CAGE1: variants seen among roughly 807,000 people sequenced by gnomAD.
CAGE1 encodes the protein cancer-associated gene 1 protein.
Under a neutral mutation model 94.9 loss-of-function variants are expected in CAGE1, and 66 were observed. The observed-to-expected ratio is 0.70, with a 90% CI of 0.57 to 0.85. CAGE1 has a LOEUF of 0.85. Among genes scored for constraint, CAGE1 ranks in the 40% least tolerant of loss-of-function variants. The probability of loss-of-function intolerance (pLI) is 0.00; values close to 1 mark genes in which losing one functional copy is unlikely to be tolerated. For synonymous variants in CAGE1, 319 were observed against 321.0 expected (o/e 0.99, Z 0.07); for missense variants, 865 against 950.4 (o/e 0.91, Z 1.18).
rs1191231877 is a variant in CAGE1 at position 7,339,367 on chromosome 6, C to A, written c.2370-5277G>T. 1.2e-6 allele frequency: 2 copies of A among 1,608,492 alleles called. No individual in the cohort carries two copies. The highest frequency in any genetic ancestry group is 2.7e-5 in the African/African-American group (2 of 74,820). On this transcript the variant is annotated intron_variant, in intron 11 of 13. Coordinates refer to ENST00000502583, the MANE Select transcript of CAGE1 (RefSeq NM_001170692.2). The surrounding 1 kb of genome is among the most constrained non-coding windows in gnomAD (Gnocchi z 4.7). ...CTCTTCTGAACTACAGCAGTCAGTT[C>A]CCGAATCCGCCGGCCCTTCTCACCA...
chr6:7,385,309 CTTTT>C (rs34599762), intron 3 of CAGE1, among the ~76,000 whole-genome samples: 1 of 147,586 alleles, frequency 6.8e-6, no homozygotes, highest in Non-Finnish European at 1.5e-5. Context: ...CTGGCCCCCG[CTTTT>C]TTTTTTTAAG....
chr6:7,365,601 C>T (rs1760303766), intron 8 of CAGE1, 26 bp from the exon 9 acceptor site: 1 of 1,589,592 alleles, frequency 6.3e-7, no homozygotes, highest in African/African-American at 1.3e-5. Flanking sequence ...TTTGTTCTCA[C>T]TTTCAATCAT....
In CAGE1 at chr6:7,326,934, G is replaced by T. The variant is rs773917092; in HGVS notation, c.2479-35C>A. ...AAAGGAAAAATGTTTCGTAAGTTTTGGGGAAAGACTAACATTCAGTGACAG... is the reference window on the plus strand; with the variant it reads ...AAAGGAAAAATGTTTCGTAAGTTTTTGGGAAAGACTAACATTCAGTGACAG... On this transcript the variant is annotated intron_variant, in intron 13 of 13. Coordinates refer to ENST00000502583, the MANE Select transcript of CAGE1 (RefSeq NM_001170692.2). 3.9e-6 allele frequency: 6 copies of T among 1,527,054 alleles called. No individual in the cohort carries two copies. The African/African-American group carries it at 6.9e-5, about 17-fold the overall frequency. The allele number at this position is 1,527,054 out of a possible 1,614,324, so 94.6% of individuals were successfully genotyped here.
At chr6:7,342,374 T>G (rs1157757058) in intron 11 of CAGE1, among the ~76,000 whole-genome samples, 1 of 152,148 alleles carries the variant, frequency 6.6e-6, no homozygotes, top group Non-Finnish European at 1.5e-5. Flanking sequence ...GCTCATCAGC[T>G]GCATGAAGTA....
chr6:7,332,416 G>A (rs888357831), intron 12 of CAGE1, among the ~76,000 whole-genome samples: 3 of 152,174 alleles, frequency 2.0e-5, no homozygotes, highest in African/African-American at 7.2e-5. Context: ...GTTTCTTGCT[G>A]CTTCCAGGCC....
chr6:7,343,906 C>T (rs951824562), intron 11 of CAGE1, among the ~76,000 whole-genome samples: 2 of 152,148 alleles, frequency 1.3e-5, no homozygotes, highest in Admixed American at 1.3e-4. Context: ...ATTTTGTAGG[C>T]AGGTGCTCCT....
chr6:7,368,529 A>T (rs969599991), intron 7 of CAGE1, among the ~76,000 whole-genome samples, 159 bp downstream of exon 7: 1 of 152,112 alleles, frequency 6.6e-6, no homozygotes, highest in Admixed American at 6.5e-5. Flanking sequence ...TCAAATGTTG[A>T]ACATTTTATC....
At chr6:7,333,642 CTATATATATATA>C (rs773887819) in intron 12 of CAGE1, among the ~76,000 whole-genome samples, 84 of 121,514 alleles carry the variant, frequency 6.9e-4, no homozygotes, top group African/African-American at 2.0e-3. Flanking sequence ...ATCTAACTAT[CTATATATATATA>C]TATATATATA....
intron 11 of CAGE1, among the ~76,000 whole-genome samples, chr6:7,344,726 T>C (rs1249382009): frequency 6.6e-6 from 1 of 152,216 alleles, no homozygotes; most frequent in African/African-American, 2.4e-5. Flanking sequence ...GCTCAGGGAT[T>C]GTAAATACAC....
chr6:7,364,423 C>T (rs1428016050), intron 9 of CAGE1, among the ~76,000 whole-genome samples: 2 of 152,030 alleles, frequency 1.3e-5, no homozygotes, highest in Non-Finnish European at 2.9e-5. Context: ...TAGTGATTAG[C>T]TTATTTAATC....
At chr6:7,368,661 T>G in intron 7 of CAGE1, 27 bp downstream of exon 7, 1 of 1,184,862 alleles carries the variant, frequency 8.4e-7, no homozygotes. Flanking sequence ...AATAATAAAA[T>G]TTTTAGAAGA....
chr6:7,370,327 A>C (rs1282768917), intron 5 of CAGE1, among the ~76,000 whole-genome samples: 3 of 152,150 alleles, frequency 2.0e-5, no homozygotes, highest in South Asian at 4.1e-4. Flanking sequence ...CCAGGGTCTC[A>C]CTGTCACACA....
At chr6:7,364,784 GA>G (rs201331066) in intron 9 of CAGE1, among the ~76,000 whole-genome samples, 9 of 150,852 alleles carry the variant, frequency 6.0e-5, no homozygotes, top group South Asian at 2.1e-4. Context: ...TACTTCTTAT[GA>G]AAAAAAAATT....
chr6:7,348,936 T>C (rs528908559), intron 11 of CAGE1, among the ~76,000 whole-genome samples: 4 of 152,270 alleles, frequency 2.6e-5, no homozygotes, highest in South Asian at 2.1e-4. Flanking sequence ...AACCTGAGAA[T>C]AATCGGTGTT....
chr6:7,344,524 C>T (rs1276428134), intron 11 of CAGE1, among the ~76,000 whole-genome samples: 3 of 152,222 alleles, frequency 2.0e-5, no homozygotes, highest in African/African-American at 4.8e-5. Context: ...TCCTGTGCGG[C>T]CCAGCCTCCT....
intron 13 of CAGE1, among the ~76,000 whole-genome samples, chr6:7,328,912 G>A (rs866227603): frequency 7.7e-5 from 5 of 64,852 alleles, no homozygotes; most frequent in Non-Finnish European, 1.2e-4. Context: ...GTGTGTGTGT[G>A]TGTGTGTATA....
In CAGE1 at chr6:7,339,921, C is replaced by G. The variant is rs150147719; in HGVS notation, c.2370-5831G>C. 0.049 allele frequency among the ~76,000 whole-genome samples: 7,415 copies of G among 152,260 alleles called. 310 individuals are homozygous for G. Among genetic ancestry groups the G allele is most frequent in the African/African-American group, 0.11 (4,750 of 41,520 alleles). On this transcript the variant is annotated intron_variant, in intron 11 of 13. Transcript: ENST00000502583. This position sits in a 1 kb window ranked among gnomAD's most constrained non-coding sequence, Gnocchi z 4.7. ...TTTTTGAATAATGACTTCTTGTCCT[C>G]TGGGTAGATACCCAGTAGTGGGATT...
intron 13 of CAGE1, among the ~76,000 whole-genome samples, chr6:7,327,773 A>C (rs1429106004): frequency 6.6e-6 from 1 of 151,978 alleles, no homozygotes; most frequent in Non-Finnish European, 1.5e-5. Context: ...TCTACTAAAA[A>C]TACAAAATTA....
At chr6:7,379,702 T>C (rs1296938123) in intron 3 of CAGE1, among the ~76,000 whole-genome samples, 1 of 152,224 alleles carries the variant, frequency 6.6e-6, no homozygotes, top group Non-Finnish European at 1.5e-5. Context: ...AGCCCATATG[T>C]ATTCATTCTT....
Sources: gnomAD v4.1 joint callset for allele counts (sites outside exome capture counted in the v4.1 genomes callset) on GRCh38, gnomAD v4.1.1 for gene constraint, Gnocchi (gnomAD v3.1) non-coding constraint, MANE v1.5 for transcripts, NCBI Gene and HGNC (gene_info 2026-07-23, HGNC 2026-07-21) for gene names.